Variants in RGSL1 observed in about 807,000 individuals in gnomAD.
The protein encoded by RGSL1 is regulator of G protein signaling like 1.
RGSL1 carries 97 observed loss-of-function variants against 124.7 expected under a neutral mutation model. The ratio of observed to expected loss-of-function variants is 0.78; its 90% confidence interval spans 0.66 to 0.92. The LOEUF is 0.92. Among genes scored for constraint, RGSL1 ranks in the 40% least tolerant of loss-of-function variants. RGSL1 has a pLI of 0.00. For synonymous variants in RGSL1, 424 were observed against 438.1 expected (o/e 0.97, Z 0.40); for missense variants, 1,233 against 1,288.4 (o/e 0.96, Z 0.66).
At position 182,507,690 on chromosome 1, in the gene RGSL1, T is replaced by C. The variant is rs561397102; in HGVS notation, c.1826-14314T>C. ...ATTGTGAATAGTACTACAATGAACA[T>C]GGGAGTGCAGATTTTTTTTTTTTCT... On this transcript the variant is annotated intron_variant, in intron 9 of 21. Coordinates refer to ENST00000294854, the MANE Select transcript of RGSL1 (RefSeq NM_001137669.2). 3.3e-5 allele frequency among the ~76,000 whole-genome samples: 5 copies of C among 152,186 alleles called. No homozygotes were observed. The East Asian group carries it at 9.7e-4, about 29-fold the overall frequency.
intron 9 of RGSL1, among the ~76,000 whole-genome samples, chr1:182,503,729 G>A (rs1288793506): frequency 6.6e-6 from 1 of 151,954 alleles, no homozygotes; most frequent in Admixed American, 6.6e-5. Flanking sequence ...TAATTTAATC[G>A]TACATTTTTA....
chr1:182,473,537 C>G, intron 5 of RGSL1, 38 bp from the exon 6 acceptor site: 7 of 1,482,136 alleles, frequency 4.7e-6, no homozygotes, highest in Non-Finnish European at 6.3e-6. Context: ...GCCATCATCC[C>G]ATCATTTTCA....
chr1:182,531,270 C>A (rs1558394493), intron 13 of RGSL1, among the ~76,000 whole-genome samples: 1 of 152,160 alleles, frequency 6.6e-6, no homozygotes, highest in Non-Finnish European at 1.5e-5. Flanking sequence ...TACTGTATAA[C>A]AAAAGGTGAG....
chr1:182,453,018 T>C (rs554356708), intron 1 of RGSL1, among the ~76,000 whole-genome samples: 85 of 152,312 alleles, frequency 5.6e-4, no homozygotes, highest in African/African-American at 2.0e-3. Flanking sequence ...ACTAGCTGAA[T>C]ATTGTGCTCT....
chr1:182,451,652 A>G (rs1375644182), intron 1 of RGSL1, among the ~76,000 whole-genome samples: 2 of 129,558 alleles, frequency 1.5e-5, no homozygotes. Context: ...CTCAAAAGCC[A>G]GATGGGGTAA....
rs1019898916 is a variant in RGSL1, at chr1:182,459,511, G to A, written c.172-493G>A. 3.3e-5 allele frequency among the ~76,000 whole-genome samples: 5 copies of A among 152,086 alleles called. No homozygotes were observed. The East Asian group carries it at 5.8e-4, about 18-fold the overall frequency. ...GAAAAAAATTACCTCCTTTCTCTGT[G>A]GCTTGATCCTTCAGAATATATCCTG... On this transcript the variant is annotated intron_variant, in intron 3 of 21. Transcript: ENST00000294854.
chr1:182,482,242 A>G (rs1308568557), intron 6 of RGSL1, among the ~76,000 whole-genome samples: 1 of 152,154 alleles, frequency 6.6e-6, no homozygotes, highest in African/African-American at 2.4e-5. Context: ...CTCCCACACA[A>G]TAAAGGCCAT....
chr1:182,557,310 C>G (rs781603716), intron 21 of RGSL1, among the ~76,000 whole-genome samples: 4 of 152,214 alleles, frequency 2.6e-5, no homozygotes, highest in Non-Finnish European at 5.9e-5. Context: ...AACAGAATCC[C>G]AGTTCCTAAA....
chr1:182,547,313 C>T (rs1405641064), intron 15 of RGSL1, among the ~76,000 whole-genome samples: 1 of 152,022 alleles, frequency 6.6e-6, no homozygotes, highest in Non-Finnish European at 1.5e-5. Flanking sequence ...TCTTGGGAGA[C>T]CCAAAATTCT....
intron 9 of RGSL1, among the ~76,000 whole-genome samples, chr1:182,517,591 T>C (rs695154): frequency 2.3e-4 from 35 of 151,856 alleles, no homozygotes; most frequent in African/African-American, 7.7e-4. Flanking sequence ...TTTTCTTCTC[T>C]GTGTATTTTA....
chr1:182,527,450 C>T, intron 10 of RGSL1, 129 bp from the exon 11 acceptor site: 1 of 710,946 alleles, frequency 1.4e-6, no homozygotes, highest in Non-Finnish European at 2.3e-6. Flanking sequence ...GCCAATCCAT[C>T]CACAATGCTT....
intron 10 of RGSL1, among the ~76,000 whole-genome samples, chr1:182,525,263 G>C (rs1454816513): frequency 6.6e-6 from 1 of 151,994 alleles, no homozygotes; most frequent in South Asian, 2.1e-4. Flanking sequence ...TCCCAGGAAA[G>C]TATGGTCCAT....
chr1:182,527,535 C>T (rs1658838170), intron 10 of RGSL1, 44 bp from the exon 11 acceptor site: 1 of 1,472,646 alleles, frequency 6.8e-7, no homozygotes, highest in Admixed American at 2.2e-5. Context: ...AATCCAGAAT[C>T]ATCATTCCTT....
At chr1:182,548,593 C>A (rs957618623) in intron 16 of RGSL1, 107 bp from the exon 17 acceptor site, 1 of 1,513,824 alleles carries the variant, frequency 6.6e-7, no homozygotes, top group Non-Finnish European at 8.9e-7. Context: ...CCATGAAAAC[C>A]GTATGCCTTT....
intron 9 of RGSL1, among the ~76,000 whole-genome samples, chr1:182,511,780 G>A (rs1657481219): frequency 6.6e-6 from 1 of 152,186 alleles, no homozygotes; most frequent in South Asian, 2.1e-4. Context: ...TTTCTCTGAA[G>A]AATGTCATTG....
At chr1:182,524,833 A>C (rs1285143818) in intron 10 of RGSL1, among the ~76,000 whole-genome samples, 1 of 152,236 alleles carries the variant, frequency 6.6e-6, no homozygotes, top group African/African-American at 2.4e-5. Flanking sequence ...CTAGTTGAGC[A>C]AGCAGTAAAA....
intron 4 of RGSL1, 51 bp downstream of exon 4, chr1:182,460,184 G>GTT (rs376572577): frequency 2.7e-5 from 34 of 1,238,706 alleles, no homozygotes; most frequent in Admixed American, 9.8e-5. Context: ...GTGTGTGTGT[G>GTT]TAGAAATATA....
rs571006432 is a variant in RGSL1, at chr1:182,492,848, C to T, written c.1718-174C>T. On this transcript the variant is annotated intron_variant, in intron 8 of 21. Transcript: ENST00000294854. ...GTTTCACCATGTTAGTCAGGATGGT[C>T]TCAATCTCCTGACTTTGTGATCCAC... 8.4e-6 allele frequency: 5 copies of T among 593,500 alleles called. No individual in the cohort carries two copies. The South Asian group carries it at 1.0e-4, about 12-fold the overall frequency. The allele number at this position is 593,500 out of a possible 1,614,324, so 36.8% of individuals were successfully genotyped here.
chr1:182,553,366 A>C, intron 18 of RGSL1, 89 bp from the exon 19 acceptor site: 16 of 954,496 alleles, frequency 1.7e-5, no homozygotes, highest in Non-Finnish European at 2.6e-5. Flanking sequence ...TAAGTGTGTT[A>C]AACAAGAGCT....
Sources: gnomAD v4.1 joint callset for allele counts (sites outside exome capture counted in the v4.1 genomes callset) on GRCh38, gnomAD v4.1.1 for gene constraint, MANE v1.5 for transcripts, NCBI Gene and HGNC (gene_info 2026-07-23, HGNC 2026-07-21) for gene names.